The following MAPT variants were observed in gnomAD, a reference collection of about 807,000 sequenced individuals.
MAPT encodes microtubule associated protein tau.
In MAPT, 34 loss-of-function variants were observed where a neutral mutation model predicts 67.9. The ratio of observed to expected loss-of-function variants is 0.50; its 90% CI spans 0.38 to 0.67. MAPT has a LOEUF of 0.67. Among genes scored for constraint, MAPT ranks in the 30% least tolerant of loss-of-function variants. The pLI, the probability that MAPT is intolerant of heterozygous loss-of-function variation, is 0.00. For synonymous variants in MAPT, 456 were observed against 464.5 expected (o/e 0.98, Z 0.23); for missense variants, 881 against 1,115.2 (o/e 0.79, Z 2.99).
intron 1 of MAPT, among the ~76,000 whole-genome samples, chr17:45,941,673 C>G (rs868643474): frequency 3.5e-5 from 1 of 28,456 alleles, no homozygotes. Context: ...CCCCCTTCCC[C>G]CCTTCCCTCC....
chr17:45,985,131 C>T (rs905797313), intron 5 of MAPT, among the ~76,000 whole-genome samples: 1 of 152,064 alleles, frequency 6.6e-6, no homozygotes, highest in African/African-American at 2.4e-5. Flanking sequence ...TGGTGAGACC[C>T]TGTCTCTACT....
chr17:45,950,650 T>C (rs1478601860), intron 1 of MAPT, among the ~76,000 whole-genome samples: 1 of 152,068 alleles, frequency 6.6e-6, no homozygotes, highest in Non-Finnish European at 1.5e-5. Flanking sequence ...ACTTTTAATT[T>C]TTAAAATTTT....
rs2064290826 is a variant in MAPT at position 45,906,106 on chromosome 17, T to C, written c.-18+11420T>C. Reference sequence around the variant, plus strand: ...CACTGATCTTGTCTGTCCCCTTCTTTGGAAGGAAGGAGCCCCAAACCAGGG... The same window carrying C: ...CACTGATCTTGTCTGTCCCCTTCTTCGGAAGGAAGGAGCCCCAAACCAGGG... On this transcript the variant is annotated intron_variant, in intron 1 of 12. Coordinates refer to ENST00000262410, the MANE Select transcript of MAPT (RefSeq NM_001377265.1). The surrounding 1 kb of genome is among the most constrained non-coding windows in gnomAD (Gnocchi z 4.3). Among the ~76,000 whole-genome samples the C allele has an allele frequency of 6.6e-6, 1 of 152,118 alleles. No individual in the cohort carries two copies. The highest frequency in any genetic ancestry group is 2.1e-4 in the South Asian group (1 of 4,830).
intron 1 of MAPT, among the ~76,000 whole-genome samples, chr17:45,936,084 CAG>C (rs2067298820): frequency 6.6e-6 from 1 of 152,204 alleles, no homozygotes; most frequent in Admixed American, 6.5e-5. Context: ...GGTAGATCGG[CAG>C]AGTTCCATAA....
chr17:45,903,896 ATATATATTTATATAT>A (rs1173740931), intron 1 of MAPT, among the ~76,000 whole-genome samples: 1 of 29,300 alleles, frequency 3.4e-5, no homozygotes, highest in East Asian at 7.9e-4. Flanking sequence ...TTTATATATT[ATATATATTTATATAT>A]TATATATTTA....
intron 3 of MAPT, chr17:45,974,918 G>T (rs17651243): frequency 1.1e-5 from 2 of 186,242 alleles, no homozygotes; most frequent in African/African-American, 4.7e-5. Context: ...ACACCTTTTG[G>T]TGATCTTAAT....
At chr17:45,966,631 T>C (rs1212456368) in intron 2 of MAPT, among the ~76,000 whole-genome samples, 1 of 152,164 alleles carries the variant, frequency 6.6e-6, no homozygotes, top group Non-Finnish European at 1.5e-5. Flanking sequence ...AAGTAGGTTT[T>C]ACCACTCTTA....
chr17:45,913,830 G>GCTGCC (rs1266519244), intron 1 of MAPT, among the ~76,000 whole-genome samples: 2 of 152,194 alleles, frequency 1.3e-5, no homozygotes, highest in Non-Finnish European at 2.9e-5. Context: ...AGGCTTCTCT[G>GCTGCC]CTGCCCTGGC....
chr17:45,911,450 C>A (rs537998294), intron 1 of MAPT, among the ~76,000 whole-genome samples: 1 of 150,994 alleles, frequency 6.6e-6, no homozygotes, highest in Non-Finnish European at 1.5e-5. Context: ...GGCGATATAG[C>A]GAGAACCTGT....
chr17:45,927,830 C>T (rs908092629), intron 1 of MAPT, among the ~76,000 whole-genome samples: 7 of 151,822 alleles, frequency 4.6e-5, no homozygotes, highest in African/African-American at 1.5e-4. Flanking sequence ...GAAACCCCAT[C>T]TCTACTAAAA....
chr17:46,004,071 C>T (rs576911421), intron 9 of MAPT, among the ~76,000 whole-genome samples: 57 of 152,324 alleles, frequency 3.7e-4, no homozygotes, highest in Middle Eastern at 6.8e-3. Flanking sequence ...CCGGGTTAAA[C>T]TCCCAGCAGA....
chr17:45,944,382 G>T (rs2068269157), intron 1 of MAPT, among the ~76,000 whole-genome samples: 1 of 152,290 alleles, frequency 6.6e-6, no homozygotes, highest in African/African-American at 2.4e-5. Flanking sequence ...CCAAACTCAG[G>T]GGCCCAGGGA....
At chr17:45,913,507 C>A (rs1012508377) in intron 1 of MAPT, among the ~76,000 whole-genome samples, 1 of 152,144 alleles carries the variant, frequency 6.6e-6, no homozygotes, top group African/African-American at 2.4e-5. Context: ...GATACCTGAA[C>A]CTTCCCTGGG....
intron 1 of MAPT, among the ~76,000 whole-genome samples, chr17:45,956,018 G>A (rs1228527785): frequency 6.6e-6 from 1 of 152,228 alleles, no homozygotes; most frequent in Admixed American, 6.5e-5. Flanking sequence ...TTACAGGTGT[G>A]AGCCATGGGG....
chr17:45,898,350 A>C (rs959533236), intron 1 of MAPT: 2 of 152,230 alleles, frequency 1.3e-5, no homozygotes, highest in African/African-American at 4.8e-5. Context: ...AACAAAAGAA[A>C]TGGATACTGC....
chr17:45,984,793 C>T (rs901248487), intron 5 of MAPT, among the ~76,000 whole-genome samples: 2 of 152,180 alleles, frequency 1.3e-5, no homozygotes, highest in African/African-American at 4.8e-5. Context: ...AGGAGAGTCC[C>T]AAGTATCAGG....
In MAPT at chr17:45,903,750, T is replaced by G. The variant is rs1430416247; in HGVS notation, c.-18+9064T>G. On this transcript the variant is annotated intron_variant, in intron 1 of 12. Transcript: ENST00000262410. ...AAAAAAAGGAATCTCTTTGGTTTTA[T>G]ATATATTTTTTTTATATATATAATA... Among the ~76,000 whole-genome samples, 8 of 76,028 alleles carry G rather than the reference T, an allele frequency of 1.1e-4. 1 individual carries two copies. The East Asian group carries it at 1.9e-3, about 18-fold the overall frequency. The allele number at this position is 76,028 out of a possible 152,430, so 49.9% of individuals were successfully genotyped here.
At chr17:46,014,594 G>T (rs965307988) in intron 11 of MAPT, among the ~76,000 whole-genome samples, 3 of 152,220 alleles carry the variant, frequency 2.0e-5, no homozygotes, top group African/African-American at 7.2e-5. Context: ...CATATTCTCG[G>T]CCGGGCGCTG....
intron 1 of MAPT, among the ~76,000 whole-genome samples, chr17:45,937,060 A>C (rs1396755338): frequency 6.6e-6 from 1 of 152,166 alleles, no homozygotes; most frequent in African/African-American, 2.4e-5. Context: ...ATGCGATATG[A>C]GAGCTCGTCA....
Sources: gnomAD v4.1 joint callset for allele counts (sites outside exome capture counted in the v4.1 genomes callset) on GRCh38, gnomAD v4.1.1 for gene constraint, Gnocchi (gnomAD v3.1) non-coding constraint, MANE v1.5 for transcripts, NCBI Gene and HGNC (gene_info 2026-07-23, HGNC 2026-07-21) for gene names.